PPP1R1C: variants seen among roughly 807,000 people sequenced by gnomAD.
PPP1R1C encodes the protein protein phosphatase 1 regulatory subunit 1C.
PPP1R1C carries 15 observed loss-of-function variants against 17.4 expected under a neutral mutation model. The observed-to-expected ratio is 0.86, with a 90% CI of 0.58 to 1.33. The LOEUF (loss-of-function observed/expected upper bound fraction) is 1.33. PPP1R1C is among the 40% of genes most tolerant of loss of function. The pLI is 0.00. For missense variants in PPP1R1C, 143 were observed against 130.0 expected (o/e 1.10, Z -0.48); for synonymous variants, 35 against 43.1 (o/e 0.81, Z 0.73).
intron 4 of PPP1R1C, among the ~76,000 whole-genome samples, chr2:182,113,781 T>C (rs1282036014): frequency 6.6e-6 from 1 of 152,196 alleles, no homozygotes; most frequent in Non-Finnish European, 1.5e-5. Context: ...TCTTTGCCAT[T>C]CATGTCATCT....
At chr2:182,005,328 C>T (rs1361216600) in intron 2 of PPP1R1C, among the ~76,000 whole-genome samples, 1 of 152,212 alleles carries the variant, frequency 6.6e-6, no homozygotes, top group Non-Finnish European at 1.5e-5. Context: ...GCCAGAAAAT[C>T]TGGAGCATGG....
intron 2 of PPP1R1C, among the ~76,000 whole-genome samples, chr2:182,050,800 C>CATTTTA (rs1242850909): frequency 6.6e-6 from 1 of 152,114 alleles, no homozygotes; most frequent in Non-Finnish European, 1.5e-5. Flanking sequence ...AAGAGAAAAA[C>CATTTTA]ATTTTAATAT....
chr2:182,024,358 A>G (rs1686525266), intron 2 of PPP1R1C, among the ~76,000 whole-genome samples: 3 of 152,200 alleles, frequency 2.0e-5, no homozygotes, highest in Admixed American at 2.0e-4. Context: ...GGTTACAAAA[A>G]CAGTTTGAGG....
At chr2:182,001,111 G>A (rs1447179407) in intron 2 of PPP1R1C, among the ~76,000 whole-genome samples, 2 of 152,086 alleles carry the variant, frequency 1.3e-5, no homozygotes, top group Admixed American at 6.6e-5. Flanking sequence ...ATATTTATGG[G>A]CATAATTTAA....
intron 2 of PPP1R1C, among the ~76,000 whole-genome samples, chr2:182,000,146 T>G (rs987766046): frequency 1.3e-5 from 2 of 152,166 alleles, no homozygotes; most frequent in Non-Finnish European, 2.9e-5. Flanking sequence ...CCAGGCTTGT[T>G]CTACCAGCTA....
intron 4 of PPP1R1C, among the ~76,000 whole-genome samples, chr2:182,102,267 A>G (rs77083286): frequency 0.014 from 2,101 of 152,284 alleles, 49 homozygotes; most frequent in African/African-American, 0.048. Flanking sequence ...TCAAAGACCT[A>G]ATTTATGGCC....
At chr2:182,026,592 A>G (rs1273254929) in intron 2 of PPP1R1C, among the ~76,000 whole-genome samples, 6 of 151,872 alleles carry the variant, frequency 4.0e-5, no homozygotes, top group Non-Finnish European at 8.8e-5. Context: ...TACCAGTACC[A>G]TGCTGTTTTG....
chr2:182,077,439 G>A (rs1688346307), intron 4 of PPP1R1C, among the ~76,000 whole-genome samples: 1 of 152,076 alleles, frequency 6.6e-6, no homozygotes, highest in Admixed American at 6.6e-5. Flanking sequence ...TTAATTAATT[G>A]TTGAATCACC....
chr2:181,995,310 G>A (rs1250158544), intron 2 of PPP1R1C, among the ~76,000 whole-genome samples: 1 of 152,154 alleles, frequency 6.6e-6, no homozygotes, highest in African/African-American at 2.4e-5. Context: ...TAATACTTAA[G>A]AGTAGAGGCT....
At chr2:182,108,094 G>A (rs1689308987) in intron 4 of PPP1R1C, among the ~76,000 whole-genome samples, 1 of 151,932 alleles carries the variant, frequency 6.6e-6, no homozygotes, top group African/African-American at 2.4e-5. Context: ...AAAAATTCCT[G>A]TTTGGATGGA....
chr2:182,079,013 C>T (rs1688395505), intron 4 of PPP1R1C, among the ~76,000 whole-genome samples: 1 of 152,108 alleles, frequency 6.6e-6, no homozygotes, highest in Non-Finnish European at 1.5e-5. Context: ...GTGACTTTTC[C>T]ATAGTTACAC....
chr2:182,012,279 G>A (rs994690154), intron 2 of PPP1R1C, among the ~76,000 whole-genome samples: 3 of 151,908 alleles, frequency 2.0e-5, no homozygotes, highest in Admixed American at 6.6e-5. Context: ...CTATATCTGT[G>A]TGCTTCATGG....
At position 182,088,519 on chromosome 2, in the gene PPP1R1C, G is replaced by A. The variant is rs145862545; in HGVS notation, c.241+24728G>A. On this transcript the variant is annotated intron_variant, in intron 4 of 4. Coordinates refer to ENST00000682840, the MANE Select transcript of PPP1R1C (RefSeq NM_001080545.3). ...ATATGTGGAGTTTGTTTTTCTCCTT[G>A]GTTATCAGAGTTTGTGGGTAGCAGT... Among the ~76,000 whole-genome samples the A allele has an allele frequency of 6.2e-3, 945 of 152,188 alleles. 2 individuals carry two copies. Among genetic ancestry groups the A allele is most frequent in the Non-Finnish European group, 9.8e-3 (665 of 68,004 alleles).
chr2:181,978,525 A>G lies in PPP1R1C; in HGVS notation n.157+3261A>G, dbSNP rs144668472. 2.3e-4 allele frequency among the ~76,000 whole-genome samples: 35 copies of G among 152,324 alleles called. No homozygotes were observed. The East Asian group carries it at 6.4e-3, about 28-fold the overall frequency. The stretch of plus-strand genomic sequence containing the variant: ...CCTGGGCAAAAATGACTCACAGGTC[A>G]GGCTCAGTTGAGGGTGCCCACTGGA... On this transcript the variant is annotated intron_variant and non_coding_transcript_variant, in intron 2 of 5. Transcript: ENST00000464264.
chr2:182,106,777 C>T (rs1689266189), intron 4 of PPP1R1C, among the ~76,000 whole-genome samples: 1 of 152,174 alleles, frequency 6.6e-6, no homozygotes, highest in African/African-American at 2.4e-5. Flanking sequence ...AAAAAGCACA[C>T]TGTAATATGC....
intron 4 of PPP1R1C, among the ~76,000 whole-genome samples, chr2:182,069,471 C>G (rs535709550): frequency 1.3e-5 from 2 of 150,986 alleles, no homozygotes; most frequent in East Asian, 3.9e-4. Flanking sequence ...TTTTGGAGGT[C>G]AACATTGAGA....
chr2:182,121,591 G>T (rs933167220), downstream of PPP1R1C, among the ~76,000 whole-genome samples: 9 of 152,010 alleles, frequency 5.9e-5, no homozygotes, highest in South Asian at 1.0e-3. Context: ...GGGTTCAAGC[G>T]ATTCCCCTGC....
At chr2:182,061,325 A>G in intron 2 of PPP1R1C, 117 bp from the exon 3 acceptor site, 2 of 712,624 alleles carry the variant, frequency 2.8e-6, no homozygotes, top group Admixed American at 3.5e-5. Flanking sequence ...TGTAAGTTGT[A>G]GTTTTTGTAT....
At chr2:182,102,702 T>A (rs976146765) in intron 4 of PPP1R1C, among the ~76,000 whole-genome samples, 1 of 152,212 alleles carries the variant, frequency 6.6e-6, no homozygotes, top group African/African-American at 2.4e-5. Context: ...GTTTAAAAAA[T>A]TTTGTAACAC....
Sources: allele counts gnomAD v4.1 joint callset (sites outside exome capture counted in the v4.1 genomes callset), GRCh38; gene constraint gnomAD v4.1.1; transcripts MANE v1.5; gene names NCBI Gene and HGNC (gene_info 2026-07-23, HGNC 2026-07-21).